Variants in ASTN2 observed in about 807,000 individuals in gnomAD.
ASTN2 encodes the protein astrotactin-2.
In ASTN2, 54 loss-of-function variants were observed where a neutral mutation model predicts 139.8. That is an observed-to-expected ratio of 0.39 (90% CI 0.31 to 0.48). ASTN2 has a LOEUF of 0.48. ASTN2 is among the 20% of genes least tolerant of loss of function. The pLI is 0.95. For missense variants in ASTN2, 1,565 were observed against 1,725.1 expected (o/e 0.91, Z 1.64); for synonymous variants, 756 against 719.5 (o/e 1.05, Z -0.81).
intron 11 of ASTN2, among the ~76,000 whole-genome samples, chr9:116,829,073 GATTAT>G: frequency 6.6e-6 from 1 of 151,624 alleles, no homozygotes; most frequent in South Asian, 2.1e-4. Context: ...TGTTTAAAAG[GATTAT>G]ATTGCCCAAA....
intron 3 of ASTN2, among the ~76,000 whole-genome samples, chr9:117,156,297 T>C (rs1241083499): frequency 1.3e-5 from 2 of 152,106 alleles, no homozygotes; most frequent in Non-Finnish European, 2.9e-5. Context: ...TTCTCTATGA[T>C]GCTGCAAAAC....
chr9:117,148,362 G>C (rs1830249755), intron 3 of ASTN2, among the ~76,000 whole-genome samples: 1 of 152,174 alleles, frequency 6.6e-6, no homozygotes, highest in Admixed American at 6.5e-5. Flanking sequence ...TCAAGAAAGA[G>C]TAGTCATTAC....
chr9:116,487,286 A>C (rs1849371100), intron 20 of ASTN2, 73 bp downstream of exon 20: 4 of 1,573,268 alleles, frequency 2.5e-6, no homozygotes, highest in Non-Finnish European at 3.5e-6. Context: ...GCACAGAATA[A>C]CTCATGCCAT....
intron 7 of ASTN2, among the ~76,000 whole-genome samples, chr9:116,988,956 A>G (rs1836762445): frequency 6.6e-6 from 1 of 152,174 alleles, no homozygotes; most frequent in African/African-American, 2.4e-5. Flanking sequence ...CTTATTCATG[A>G]GAATGCCATG....
At chr9:116,686,504 A>G (rs1294139357) in intron 16 of ASTN2, among the ~76,000 whole-genome samples, 3 of 152,170 alleles carry the variant, frequency 2.0e-5, no homozygotes, top group African/African-American at 7.2e-5. Context: ...GTCACCTTGG[A>G]GAGTAGGTGA....
At chr9:116,562,754 A>C (rs1426682409) in intron 19 of ASTN2, among the ~76,000 whole-genome samples, 1 of 150,750 alleles carries the variant, frequency 6.6e-6, no homozygotes, top group Non-Finnish European at 1.5e-5. Flanking sequence ...AAAAAAAAAA[A>C]AAAGAATGCT....
intron 1 of ASTN2, among the ~76,000 whole-genome samples, chr9:117,333,218 C>T (rs567005785): frequency 6.6e-6 from 1 of 152,222 alleles, no homozygotes; most frequent in African/African-American, 2.4e-5. Context: ...GTTAATTCCA[C>T]CTCATCACCT....
chr9:116,758,161 T>C (rs1829583060), intron 13 of ASTN2, among the ~76,000 whole-genome samples: 1 of 152,220 alleles, frequency 6.6e-6, no homozygotes, highest in Non-Finnish European at 1.5e-5. Context: ...GTAGAACTTT[T>C]AGAAGAGTGC....
chr9:117,124,760 G>A (rs957231378), intron 4 of ASTN2, among the ~76,000 whole-genome samples: 4 of 149,576 alleles, frequency 2.7e-5, no homozygotes, highest in African/African-American at 5.0e-5. Context: ...AGCCACCGTT[G>A]CACCACTGCA....
intron 1 of ASTN2, among the ~76,000 whole-genome samples, chr9:117,396,651 C>T (rs1220304408): frequency 2.0e-5 from 3 of 151,506 alleles, no homozygotes; most frequent in Non-Finnish European, 4.4e-5. Flanking sequence ...CTGCAAACTC[C>T]GCTTCCTGGG....
chr9:116,480,055 T>C (rs1849116585), intron 20 of ASTN2, among the ~76,000 whole-genome samples: 1 of 149,220 alleles, frequency 6.7e-6, no homozygotes, highest in Non-Finnish European at 1.5e-5. Context: ...ATAAGGTTTA[T>C]AAGAAAGAAA....
At chr9:116,446,133 G>C (rs1847980216) in intron 20 of ASTN2, among the ~76,000 whole-genome samples, 1 of 142,122 alleles carries the variant, frequency 7.0e-6, no homozygotes, top group Non-Finnish European at 1.5e-5. Flanking sequence ...GTGAGAAGTT[G>C]GGGGGGGACA....
At chr9:116,487,553 A>T in intron 19 of ASTN2, 53 bp from the exon 20 acceptor site, 1 of 1,560,632 alleles carries the variant, frequency 6.4e-7, no homozygotes, top group African/African-American at 1.4e-5. Flanking sequence ...TAGTGAGGAG[A>T]CGTTTTTGCT....
At chr9:117,302,038 A>G (rs1284553790) in intron 1 of ASTN2, among the ~76,000 whole-genome samples, 2 of 125,692 alleles carry the variant, frequency 1.6e-5, no homozygotes, top group Non-Finnish European at 3.1e-5. Flanking sequence ...ACTCTTTTCT[A>G]TCTCACCACT....
Position 117,151,675 on chromosome 9 carries a change from G to A in ASTN2, c.1016-10197C>T, listed in dbSNP as rs146531946. Among the ~76,000 whole-genome samples the A allele has an allele frequency of 2.1e-3, 325 of 152,206 alleles. 2 individuals are homozygous for A. Among genetic ancestry groups the A allele is most frequent in the African/African-American group, 7.3e-3 (305 of 41,532 alleles). On this transcript the variant is annotated intron_variant, in intron 3 of 22. Coordinates refer to ENST00000313400, the MANE Select transcript of ASTN2 (RefSeq NM_001365068.1). ...GCCTTAAATAAAGGATGTGGAACTT[G>A]GGAAAGATGACAGAAAGAGTATTAT... is the stretch of plus-strand genomic sequence containing the variant.
intron 2 of ASTN2, among the ~76,000 whole-genome samples, chr9:117,232,421 C>T (rs1342305561): frequency 2.6e-5 from 4 of 152,118 alleles, no homozygotes; most frequent in South Asian, 2.1e-4. Flanking sequence ...CTTCTTTTGC[C>T]GTAGGAACCA....
chr9:116,836,272 T>G (rs1831988348), intron 11 of ASTN2, among the ~76,000 whole-genome samples: 1 of 152,122 alleles, frequency 6.6e-6, no homozygotes, highest in Non-Finnish European at 1.5e-5. Context: ...CTACTAGTTC[T>G]TCCCTGACAA....
intron 16 of ASTN2, among the ~76,000 whole-genome samples, chr9:116,673,321 A>T (rs1859311888): frequency 6.6e-6 from 1 of 152,056 alleles, no homozygotes; most frequent in South Asian, 2.1e-4. Flanking sequence ...TACATATCTC[A>T]TCTTGCTCCC....
chr9:116,988,158 G>A (rs1440658080), intron 7 of ASTN2, among the ~76,000 whole-genome samples: 3 of 152,228 alleles, frequency 2.0e-5, no homozygotes, highest in Non-Finnish European at 4.4e-5. Flanking sequence ...AGTTGTTAGG[G>A]TGGTGAGAGA....
Sources: gnomAD v4.1 joint callset for allele counts (sites outside exome capture counted in the v4.1 genomes callset) on GRCh38, gnomAD v4.1.1 for gene constraint, MANE v1.5 for transcripts, NCBI Gene and HGNC (gene_info 2026-07-23, HGNC 2026-07-21) for gene names.